Variants in USH2A observed in about 807,000 individuals in gnomAD.
USH2A encodes the protein Usher syndrome 2A (autosomal recessive, mild).
USH2A carries 443 observed loss-of-function variants against 538.9 expected under a neutral mutation model. The observed-to-expected ratio is 0.82, with a 90% CI of 0.76 to 0.89. The LOEUF (loss-of-function observed/expected upper bound fraction) is 0.89, where lower values mean the gene tolerates loss of function less well. Ranked by LOEUF, USH2A falls within the 40% of genes least tolerant of loss-of-function variation. USH2A has a pLI of 0.00. For synonymous variants in USH2A, 2,413 were observed against 2,273.5 expected (o/e 1.06, Z -1.75); for missense variants, 6,633 against 6,324.8 (o/e 1.05, Z -1.65).
In USH2A at chr1:215,900,810, A is replaced by G. The variant is rs764251959; in HGVS notation, c.7396T>C (p.Ser2466Pro). The G allele has an allele frequency of 1.2e-6, 2 of 1,613,766 alleles. No individual in the cohort carries two copies. Among genetic ancestry groups the G allele is most frequent in the Non-Finnish European group, 1.7e-6 (2 of 1,179,806 alleles). The change falls in exon 39 of 72, where the codon TCT becomes CCT. Residue 2466 changes from serine to proline, a missense_variant. Physicochemically the swap from Ser to Pro is moderately conservative, Grantham distance 74 (BLOSUM62 -1). Transcript: ENST00000307340. ...STPARNNAPGSPRYQLQMRSG... is the reference protein window; with the variant it reads ...STPARNNAPGPPRYQLQMRSG... ...CTCATCTGGAGTTGGTATCTGGGAG[A>G]GCCAGGAGCGTTATTACGAGCTGGT... is the stretch of plus-strand genomic sequence containing the variant.
chr1:216,410,852 T>C (rs1434583374), intron 3 of USH2A, among the ~76,000 whole-genome samples: 2 of 152,148 alleles, frequency 1.3e-5, no homozygotes, highest in Admixed American at 1.3e-4. Flanking sequence ...GACCATTCAT[T>C]TGCATATTCA....
chr1:216,151,205 C>T (rs2033824932), intron 21 of USH2A, among the ~76,000 whole-genome samples: 1 of 152,150 alleles, frequency 6.6e-6, no homozygotes, highest in Non-Finnish European at 1.5e-5. Flanking sequence ...ACAGCTGCCG[C>T]CCTAGGTGGA....
intron 35 of USH2A, among the ~76,000 whole-genome samples, chr1:215,989,333 G>A (rs1360688835): frequency 6.6e-6 from 1 of 152,096 alleles, no homozygotes; most frequent in African/African-American, 2.4e-5. Context: ...ATCTTCGTGA[G>A]GATGCAGAGG....
intron 37 of USH2A, among the ~76,000 whole-genome samples, chr1:215,937,080 T>C (rs17025638): frequency 0.091 from 13,769 of 152,096 alleles, 918 homozygotes; most frequent in African/African-American, 0.18. Flanking sequence ...TGGCATAATA[T>C]AATTTATTAC....
At chr1:216,157,533 C>G (rs2033972516) in intron 21 of USH2A, among the ~76,000 whole-genome samples, 1 of 152,082 alleles carries the variant, frequency 6.6e-6, no homozygotes, top group South Asian at 2.1e-4. Context: ...CATTGCTACA[C>G]TAATCACAAT....
At chr1:215,678,464 A>G (rs1321797325) in intron 62 of USH2A, among the ~76,000 whole-genome samples, 1 of 152,132 alleles carries the variant, frequency 6.6e-6, no homozygotes, top group Non-Finnish European at 1.5e-5. Context: ...TTTTGTCTGG[A>G]ACATTTTGCC....
intron 26 of USH2A, among the ~76,000 whole-genome samples, chr1:216,082,826 T>C (rs1005939489): frequency 2.0e-5 from 3 of 152,028 alleles, no homozygotes; most frequent in African/African-American, 7.2e-5. Context: ...TGTGGACACA[T>C]AAATGACTCA....
chr1:216,225,866 C>A (rs949502984), intron 14 of USH2A, among the ~76,000 whole-genome samples: 1 of 152,008 alleles, frequency 6.6e-6, no homozygotes, highest in Non-Finnish European at 1.5e-5. Context: ...GACTTGCAAG[C>A]GTAAAACTCA....
At chr1:216,008,502 A>T (rs1343269500) in intron 32 of USH2A, among the ~76,000 whole-genome samples, 5 of 152,148 alleles carry the variant, frequency 3.3e-5, no homozygotes, top group South Asian at 2.1e-4. Context: ...ATAAACAGCC[A>T]TGTTGCTCAC....
chr1:216,223,591 T>G (rs147664171), intron 14 of USH2A, among the ~76,000 whole-genome samples: 1,881 of 152,284 alleles, frequency 0.012, 26 homozygotes, highest in Middle Eastern at 0.092. Flanking sequence ...ATGCTTCTGC[T>G]TTCTTTCTTG....
Position 216,073,125 on chromosome 1 carries a change from A to G in USH2A, c.5748T>C (p.Val1916=), listed in dbSNP as rs894534861. ...TAAAAGGCTGGAGACCACCCTCGTAAACACTCTGCTCTTTTCCCTGGTAAA... is the reference window on the plus strand; with the variant it reads ...TAAAAGGCTGGAGACCACCCTCGTAGACACTCTGCTCTTTTCCCTGGTAAA... ...ILVYQGKEQS[V]YEGGLQPFTE... Residue 1916 remains valine (V), a synonymous_variant, in exon 28 of 72, where the codon GTT becomes GTC. Coordinates refer to ENST00000307340, the MANE Select transcript of USH2A (RefSeq NM_206933.4). The G allele has an allele frequency of 6.2e-7, 1 of 1,613,848 alleles. No homozygotes were observed. Among genetic ancestry groups the G allele is most frequent in the African/African-American group, 1.3e-5 (1 of 75,014 alleles).
chr1:216,198,721 A>T, intron 17 of USH2A, 137 bp from the exon 18 acceptor site: 2 of 846,166 alleles, frequency 2.4e-6, no homozygotes, highest in Non-Finnish European at 3.7e-6. Context: ...TTTCTTTAGC[A>T]TTCAAAATGT....
chr1:216,232,178 C>T (rs1004229413), intron 13 of USH2A, 42 bp from the exon 14 acceptor site: 1 of 1,564,702 alleles, frequency 6.4e-7, no homozygotes, highest in Non-Finnish European at 8.7e-7. Context: ...TACTTTTTAT[C>T]CACTCTTTTA....
chr1:216,298,606 G>T (rs2037151227), intron 9 of USH2A, among the ~76,000 whole-genome samples: 1 of 152,132 alleles, frequency 6.6e-6, no homozygotes, highest in African/African-American at 2.4e-5. Context: ...AAAAAACCCT[G>T]CAGATATATG....
chr1:216,251,364 A>G (rs1045122242), intron 11 of USH2A, among the ~76,000 whole-genome samples: 1 of 152,016 alleles, frequency 6.6e-6, no homozygotes, highest in Non-Finnish European at 1.5e-5. Flanking sequence ...CTATATAAAG[A>G]AATAAAAATA....
intron 44 of USH2A, among the ~76,000 whole-genome samples, chr1:215,864,876 C>A (rs1367079536): frequency 6.6e-6 from 1 of 151,894 alleles, no homozygotes; most frequent in Admixed American, 6.6e-5. Context: ...AAAAATTTAC[C>A]AGAAACATTT....
chr1:215,780,140 G>A (rs1408301308), intron 54 of USH2A, 99 bp from the exon 55 acceptor site: 10 of 1,342,724 alleles, frequency 7.4e-6, no homozygotes, highest in Middle Eastern at 4.3e-4. Context: ...TGTCTGGCCT[G>A]GCATATCATT....
At chr1:215,988,553 CT>C (rs1179240505) in intron 35 of USH2A, among the ~76,000 whole-genome samples, 1 of 151,976 alleles carries the variant, frequency 6.6e-6, no homozygotes, top group Non-Finnish European at 1.5e-5. Context: ...TCTAATAATT[CT>C]ATTATTAATT....
chr1:216,386,732 G>A (rs1357337943), intron 3 of USH2A, among the ~76,000 whole-genome samples: 1 of 151,132 alleles, frequency 6.6e-6, no homozygotes, highest in Non-Finnish European at 1.5e-5. Flanking sequence ...ACGGGCACCT[G>A]TAGTCCCAGC....
Sources: gnomAD v4.1 joint callset for allele counts (sites outside exome capture counted in the v4.1 genomes callset) on GRCh38, gnomAD v4.1.1 for gene constraint, MANE v1.5 for transcripts, NCBI Gene and HGNC (gene_info 2026-07-23, HGNC 2026-07-21) for gene names.